The following CSMD1 variants were observed in gnomAD, a reference collection of about 807,000 sequenced individuals.
The protein encoded by CSMD1 is CUB and Sushi multiple domains 1.
Under a neutral mutation model 417.5 loss-of-function variants are expected in CSMD1, and 213 were observed. The ratio of observed to expected loss-of-function variants is 0.51; its 90% confidence interval spans 0.46 to 0.57. The LOEUF (loss-of-function observed/expected upper bound fraction) is 0.57, where lower values mean the gene tolerates loss of function less well. CSMD1 is among the 20% of genes least tolerant of loss of function. The pLI is 0.00. For missense variants in CSMD1, 6,923 were observed against 4,529.7 expected, an observed-to-expected ratio of 1.53 and a Z score of -15.17; for synonymous variants, 2,862 against 1,736.8, an observed-to-expected ratio of 1.65 and a Z score of -16.11.
intron 26 of CSMD1, among the ~76,000 whole-genome samples, chr8:3,258,484 T>C (rs893543246): frequency 6.6e-6 from 1 of 152,214 alleles, no homozygotes; most frequent in Non-Finnish European, 1.5e-5. Context: ...AACACTTAAA[T>C]ACTGTTTGTG....
intron 3 of CSMD1, among the ~76,000 whole-genome samples, chr8:4,112,605 G>A (rs914480649): frequency 1.3e-5 from 2 of 152,266 alleles, no homozygotes; most frequent in East Asian, 3.9e-4. Flanking sequence ...GCGTGTATGA[G>A]GGCTGGTTCT....
intron 1 of CSMD1, among the ~76,000 whole-genome samples, chr8:4,688,224 T>C (rs1007505617): frequency 1.8e-4 from 28 of 152,210 alleles, no homozygotes; most frequent in African/African-American, 6.5e-4. Context: ...TCAATCCTTA[T>C]ATCTTACGTC....
At chr8:4,032,930 T>C (rs1338532221) in intron 3 of CSMD1, among the ~76,000 whole-genome samples, 2 of 152,026 alleles carry the variant, frequency 1.3e-5, no homozygotes, top group African/African-American at 4.8e-5. Flanking sequence ...CTCTTCCCTG[T>C]TGGAATTACT....
intron 2 of CSMD1, among the ~76,000 whole-genome samples, chr8:4,446,328 G>A (rs74797357): frequency 5.3e-5 from 8 of 152,188 alleles, no homozygotes; most frequent in Admixed American, 3.9e-4. Context: ...TGGGTGGATC[G>A]CTTGAGCCCA....
chr8:3,967,155 A>G (rs1355846040), intron 5 of CSMD1, among the ~76,000 whole-genome samples: 3 of 151,456 alleles, frequency 2.0e-5, no homozygotes, highest in African/African-American at 7.2e-5. Context: ...TCTGCTACTT[A>G]AAATGTTTAT....
At chr8:3,335,976 T>C (rs557143200) in intron 23 of CSMD1, among the ~76,000 whole-genome samples, 1 of 152,142 alleles carries the variant, frequency 6.6e-6, no homozygotes, top group South Asian at 2.1e-4. Context: ...TTTGGGCTAA[T>C]TTACATGCAG....
chr8:4,472,665 T>C (rs1439039139), intron 2 of CSMD1, among the ~76,000 whole-genome samples: 1 of 151,942 alleles, frequency 6.6e-6, no homozygotes, highest in Non-Finnish European at 1.5e-5. Context: ...TATAAAATAT[T>C]AATTGCTTTG....
chr8:2,957,185 C>CAT (rs915897471), intron 63 of CSMD1, among the ~76,000 whole-genome samples: 43 of 152,184 alleles, frequency 2.8e-4, no homozygotes, highest in African/African-American at 1.0e-3. Context: ...ATGATCAATT[C>CAT]ATATATACTT....
chr8:4,798,683 C>G (rs1053173952), intron 1 of CSMD1, among the ~76,000 whole-genome samples: 2 of 151,984 alleles, frequency 1.3e-5, no homozygotes, highest in African/African-American at 4.8e-5. Context: ...ATACACCAAA[C>G]TAATTTTCAG....
rs1563769921 is a variant in CSMD1, at chr8:4,920,978, GAAACAAA to G, written c.85+73347_85+73353del. On this transcript the variant is annotated intron_variant, in intron 1 of 69. Transcript: ENST00000635120. ...AGAAAGAAAGAAAGAAAGAAAGAAA[GAAACAAA>G]GAAAGAAAGAAAAGAAAGAAAGAAA... Among the ~76,000 whole-genome samples the G allele has an allele frequency of 1.1e-3, 26 of 23,642 alleles. 5 individuals are homozygous for G. Among genetic ancestry groups the G allele is most frequent in the African/African-American group, 3.5e-3 (25 of 7,092 alleles). 15.5% of individuals were successfully genotyped at this position (23,642 alleles called of 152,430 possible). A position where few individuals can be genotyped will look rare whatever the true frequency, so the allele number is the denominator to read the frequency against.
intron 1 of CSMD1, among the ~76,000 whole-genome samples, chr8:4,958,227 G>C (rs754292223): frequency 5.3e-5 from 8 of 152,086 alleles, no homozygotes; most frequent in Non-Finnish European, 1.2e-4. Flanking sequence ...TTTTCATGAA[G>C]AGTCAATATA....
chr8:4,261,028 C>T (rs1803843814), intron 3 of CSMD1, among the ~76,000 whole-genome samples: 2 of 152,188 alleles, frequency 1.3e-5, no homozygotes, highest in African/African-American at 4.8e-5. Flanking sequence ...ACGTAGACAT[C>T]ACTTACTATG....
chr8:3,149,709 C>G (rs543286110), intron 40 of CSMD1, among the ~76,000 whole-genome samples: 1 of 152,234 alleles, frequency 6.6e-6, no homozygotes, highest in African/African-American at 2.4e-5. Context: ...ATCTCCTGAC[C>G]TTGCGATCCA....
intron 6 of CSMD1, among the ~76,000 whole-genome samples, chr8:3,748,059 G>T (rs7843194): frequency 6.6e-5 from 10 of 152,174 alleles, no homozygotes; most frequent in South Asian, 2.1e-4. Flanking sequence ...CTGGCTAATC[G>T]TAAGTACTTA....
intron 47 of CSMD1, 63 bp from the exon 48 acceptor site, chr8:3,091,725 G>T (rs1418973374): frequency 6.8e-6 from 10 of 1,474,416 alleles, no homozygotes; most frequent in Non-Finnish European, 9.1e-6. Flanking sequence ...ATGCATACTA[G>T]GTTTAGCTTT....
chr8:3,088,178 C>T (rs1814679252), intron 48 of CSMD1, among the ~76,000 whole-genome samples: 1 of 151,992 alleles, frequency 6.6e-6, no homozygotes, highest in Admixed American at 6.6e-5. Flanking sequence ...ATAATTTTAC[C>T]CACACAGAAT....
At chr8:4,306,436 T>G (rs73660739) in intron 3 of CSMD1, among the ~76,000 whole-genome samples, 114,733 of 151,938 alleles carry the variant, frequency 0.76, 43,448 homozygotes, top group East Asian at 0.85. Context: ...GAAAGTTCAA[T>G]TGATAAAAAA....
intron 2 of CSMD1, among the ~76,000 whole-genome samples, chr8:4,467,101 CTTG>C (rs1800220125): frequency 7.5e-6 from 1 of 133,622 alleles, no homozygotes; most frequent in Admixed American, 8.4e-5. Flanking sequence ...TCAACTTAGT[CTTG>C]CTCTAGATTC....
At position 4,453,817 on chromosome 8, in the gene CSMD1, T is replaced by TA. The variant is rs1232358719; in HGVS notation, c.303-33753_303-33752insT. On this transcript the variant is annotated intron_variant, in intron 2 of 69. Transcript: ENST00000635120. The stretch of plus-strand genomic sequence containing the variant: ...AACAAGATTGCGCAATTCGTTTCTT[T>TA]TTTTTTTTTTTTTTTTTTTTTTGAG... Among the ~76,000 whole-genome samples the TA allele has an allele frequency of 1.5e-3, 160 of 109,256 alleles. 1 individual carries two copies. Among genetic ancestry groups the TA allele is most frequent in the African/African-American group, 7.3e-3 (155 of 21,232 alleles). 71.7% of individuals were successfully genotyped at this position (109,256 alleles called of 152,430 possible).
Sources: allele counts gnomAD v4.1 joint callset (sites outside exome capture counted in the v4.1 genomes callset), GRCh38; gene constraint gnomAD v4.1.1; transcripts MANE v1.5; gene names NCBI Gene and HGNC (gene_info 2026-07-23, HGNC 2026-07-21).